The following ART3 variants were observed in gnomAD, a reference collection of about 807,000 sequenced individuals.
The protein encoded by ART3 is ecto-ADP-ribosyltransferase 3.
ART3 carries 49 observed loss-of-function variants against 48.5 expected under a neutral mutation model. The ratio of observed to expected loss-of-function variants is 1.01; its 90% confidence interval spans 0.80 to 1.28. The LOEUF is 1.28. Among genes scored for constraint, ART3 ranks in the 50% most tolerant of loss-of-function variants. ART3 has a pLI of 0.00. For synonymous variants in ART3, 145 were observed against 157.2 expected (o/e 0.92, Z 0.58); for missense variants, 438 against 454.3 (o/e 0.96, Z 0.33).
intron 1 of ART3, among the ~76,000 whole-genome samples, chr4:76,040,914 T>C (rs571229759): frequency 2.4e-4 from 36 of 152,300 alleles, no homozygotes; most frequent in Non-Finnish European, 4.3e-4. Flanking sequence ...GGATACTCTC[T>C]CCTTCTATAA....
chr4:76,080,937 A>G (rs768244264), intron 2 of ART3, among the ~76,000 whole-genome samples: 3 of 152,192 alleles, frequency 2.0e-5, no homozygotes, highest in Admixed American at 6.5e-5. Flanking sequence ...TGTTAATTAC[A>G]TTACACCACC....
At position 76,023,478 on chromosome 4, in the gene ART3, A is replaced by G. The variant is rs765381166; in HGVS notation, c.-10+12158A>G. On this transcript the variant is annotated intron_variant, in intron 1 of 9. Coordinates refer to the ART3 transcript ENST00000341029. ...TCTGCTGTAGGCTCAGAATATGTCT[A>G]AGCAATTGAGGAATGTCTCAGAAAA... 2.6e-6 allele frequency: 4 copies of G among 1,538,026 alleles called. No individual in the cohort carries two copies. The South Asian group carries it at 4.5e-5, about 17-fold the overall frequency.
intron 1 of ART3, among the ~76,000 whole-genome samples, chr4:76,064,438 A>G (rs1162641119): frequency 6.6e-6 from 1 of 152,242 alleles, no homozygotes. Flanking sequence ...TTGAGTGTGA[A>G]TAGTGATCAT....
intron 10 of ART3, chr4:76,105,713 T>G (rs987628074): frequency 1.0e-6 from 1 of 985,302 alleles, no homozygotes; most frequent in Non-Finnish European, 1.2e-6. Flanking sequence ...TGTTGAGAAT[T>G]TCTTTCAGTG....
At chr4:76,061,392 G>T (rs1183502143) in intron 1 of ART3, among the ~76,000 whole-genome samples, 1 of 152,074 alleles carries the variant, frequency 6.6e-6, no homozygotes, top group Non-Finnish European at 1.5e-5. Flanking sequence ...TTGATTTGGG[G>T]TTTATTACCA....
intron 1 of ART3, among the ~76,000 whole-genome samples, chr4:76,056,699 AT>A (rs372054943): frequency 2.6e-5 from 4 of 152,156 alleles, no homozygotes; most frequent in African/African-American, 9.7e-5. Flanking sequence ...TCACGTTGAG[AT>A]TTAGAATACC....
rs140004368 is a variant in ART3, at chr4:76,077,270, A to T, written c.69+1312A>T. On this transcript the variant is annotated intron_variant, in intron 2 of 11. Transcript: ENST00000355810. ...ATTCTGGATATTTCGCCTAAATGGA[A>T]TCATACAATATGTGACCTTTTGTGT... 7.2e-5 allele frequency among the ~76,000 whole-genome samples: 11 copies of T among 152,314 alleles called. No homozygotes were observed. The East Asian group carries it at 2.1e-3, about 29-fold the overall frequency.
intron 1 of ART3, among the ~76,000 whole-genome samples, chr4:76,027,066 A>G (rs1175585149): frequency 2.0e-5 from 3 of 152,226 alleles, no homozygotes; most frequent in Non-Finnish European, 4.4e-5. Context: ...AGCCTGGCCA[A>G]CATCGTGAAA....
intron 2 of ART3, among the ~76,000 whole-genome samples, chr4:76,079,936 A>G (rs1289938360): frequency 1.4e-5 from 2 of 140,484 alleles, no homozygotes; most frequent in African/African-American, 6.3e-5. Context: ...ACACACAGAG[A>G]GAGAGAGAGA....
In ART3 at chr4:76,098,941, T is replaced by C. The variant is rs1396089503; in HGVS notation, c.815-14T>C. On this transcript the variant is annotated splice_polypyrimidine_tract_variant and intron_variant, in intron 4 of 11. Transcript: ENST00000355810. ...AGCATAGTACCATGTAATGAAAACATGTCTGTATTTCAGAATATTTTCAAC... is the reference window on the plus strand; with the variant it reads ...AGCATAGTACCATGTAATGAAAACACGTCTGTATTTCAGAATATTTTCAAC... 6 of 1,598,400 alleles carry C rather than the reference T, an allele frequency of 3.8e-6. No individual in the cohort carries two copies. In the East Asian group the frequency reaches 8.9e-5, roughly 24 times the overall value.
At chr4:76,106,154 A>C in intron 10 of ART3, 1 of 985,492 alleles carries the variant, frequency 1.0e-6, no homozygotes, top group Non-Finnish European at 1.2e-6. Flanking sequence ...ATAATAGGCT[A>C]GAGACAACCA....
chr4:76,070,919 G>C (rs1720247291), upstream of ART3, among the ~76,000 whole-genome samples: 1 of 151,648 alleles, frequency 6.6e-6, no homozygotes, highest in African/African-American at 2.4e-5. Flanking sequence ...CACCTCATCT[G>C]CTTGTATGCT....
At chr4:76,078,546 A>G (rs1236198859) in intron 2 of ART3, among the ~76,000 whole-genome samples, 1 of 152,200 alleles carries the variant, frequency 6.6e-6, no homozygotes, top group Non-Finnish European at 1.5e-5. Context: ...CTACAAACCC[A>G]GGACTACGGG....
intron 8 of ART3, among the ~76,000 whole-genome samples, chr4:76,103,050 A>C (rs1045399842): frequency 6.6e-6 from 1 of 152,192 alleles, no homozygotes; most frequent in Admixed American, 6.5e-5. Flanking sequence ...CTACTACAGA[A>C]GTCAAGTATA....
At chr4:76,079,852 C>G (rs12651516) in intron 2 of ART3, among the ~76,000 whole-genome samples, 1 of 151,468 alleles carries the variant, frequency 6.6e-6, no homozygotes. Context: ...TTTTGTTTTG[C>G]GTTTACAAGT....
intron 1 of ART3, chr4:76,037,108 T>C (rs1357337796): frequency 1.3e-5 from 2 of 155,126 alleles, no homozygotes; most frequent in Non-Finnish European, 1.4e-5. Flanking sequence ...AGCTACTTTA[T>C]ATATATTTTA....
chr4:76,082,139 T>C lies in ART3; in HGVS notation c.385T>C (p.Tyr129His). ...GATGGCTGGCCAATCTCGAGAAGATTATATCTATGGCTTCCAGTTCAAAGC... is the reference window on the plus strand; with the variant it reads ...GATGGCTGGCCAATCTCGAGAAGATCATATCTATGGCTTCCAGTTCAAAGC... ...VKMAGQSRED[Y>H]IYGFQFKAFH... The change falls in exon 3 of 12, where the codon TAT (tyrosine) becomes CAT (histidine). Residue 129 changes from tyrosine to histidine, a missense_variant. Coordinates refer to ENST00000355810, the MANE Select transcript of ART3 (RefSeq NM_001130016.3). 1 of 1,614,208 alleles carries C rather than the reference T, an allele frequency of 6.2e-7. No individual in the cohort carries two copies.
chr4:76,105,956 AC>A lies in ART3; in HGVS notation c.1003+1328del, dbSNP rs200377797. 7.4e-3 allele frequency: 7,332 copies of A among 985,372 alleles called. 283 individuals are homozygous for A. In the African/African-American group the frequency reaches 0.099, roughly 13 times the overall value. The allele number at this position is 985,372 out of a possible 1,614,324, so 61.0% of individuals were successfully genotyped here. A position where few individuals can be genotyped will look rare whatever the true frequency, so the allele number is the denominator to read the frequency against. Reference sequence around the variant, plus strand: ...TTCTGTGTGCTCCTCACCACACTCTACAATCGTCCAGTAGGCCACTAGATTT... The same window carrying A: ...TTCTGTGTGCTCCTCACCACACTCTAAATCGTCCAGTAGGCCACTAGATTT... On this transcript the variant is annotated intron_variant, in intron 10 of 11. Transcript: ENST00000355810.
At chr4:76,020,108 T>C (rs1253741730) in intron 1 of ART3, among the ~76,000 whole-genome samples, 1 of 150,348 alleles carries the variant, frequency 6.7e-6, no homozygotes, top group Non-Finnish European at 1.5e-5. Context: ...TACTCACTTC[T>C]GTTTCCTTTT....
Sources: gnomAD v4.1 joint callset for allele counts (sites outside exome capture counted in the v4.1 genomes callset) on GRCh38, gnomAD v4.1.1 for gene constraint, MANE v1.5 for transcripts, NCBI Gene and HGNC (gene_info 2026-07-23, HGNC 2026-07-21) for gene names.